Variants in BRINP1 observed in about 807,000 individuals in gnomAD.
BRINP1 encodes the protein BMP/retinoic acid-inducible neural-specific protein 1.
In BRINP1, 17 loss-of-function variants were observed where a neutral mutation model predicts 72.9. The ratio of observed to expected loss-of-function variants is 0.23; its 90% CI spans 0.16 to 0.35. The LOEUF is 0.35. Ranked by LOEUF, BRINP1 falls within the 10% of genes least tolerant of loss-of-function variation. BRINP1 has a pLI of 1.00. For synonymous variants in BRINP1, 418 were observed against 378.5 expected, an observed-to-expected ratio of 1.10 and a Z score of -1.21; for missense variants, 850 against 1,001.6, an observed-to-expected ratio of 0.85 and a Z score of 2.04.
At chr9:119,205,852 G>A (rs1829848408) in intron 7 of BRINP1, among the ~76,000 whole-genome samples, 1 of 148,844 alleles carries the variant, frequency 6.7e-6, no homozygotes, top group South Asian at 2.1e-4. Flanking sequence ...TCTTATCATG[G>A]TCAAACATGG....
chr9:119,237,262 G>T (rs750043425), intron 5 of BRINP1, among the ~76,000 whole-genome samples: 4 of 151,860 alleles, frequency 2.6e-5, no homozygotes, highest in Non-Finnish European at 4.4e-5. Flanking sequence ...AGTTAGAAAA[G>T]AAATTAGATG....
chr9:119,259,087 A>G (rs1225327571), intron 2 of BRINP1, among the ~76,000 whole-genome samples: 4 of 152,206 alleles, frequency 2.6e-5, no homozygotes, highest in Non-Finnish European at 1.5e-5. Context: ...GATATCAAGG[A>G]AAGCAAATGC....
chr9:119,175,056 A>G (rs1000592476), intron 7 of BRINP1, among the ~76,000 whole-genome samples: 2 of 148,244 alleles, frequency 1.3e-5, no homozygotes, highest in African/African-American at 5.1e-5. Flanking sequence ...AGCATGGCAC[A>G]TGTATACATA....
rs1564258064 is a variant in BRINP1 at position 119,361,599 on chromosome 9, ATGC to A, written c.-51+7454_-51+7456del. Among the ~76,000 whole-genome samples, 3 of 150,688 alleles carry A rather than the reference ATGC, an allele frequency of 2.0e-5. No individual in the cohort carries two copies. In the South Asian group the frequency reaches 6.3e-4, roughly 32 times the overall value. On this transcript the variant is annotated intron_variant, in intron 1 of 7. Coordinates refer to ENST00000265922, the MANE Select transcript of BRINP1 (RefSeq NM_014618.3). Reference sequence around the variant, plus strand: ...TCTCTGCTTTTACAAGAACTTTGTCATGCAACATATTCTTCTTCTTCTTTTTTT... The same window carrying A: ...TCTCTGCTTTTACAAGAACTTTGTCAAACATATTCTTCTTCTTCTTTTTTT...
chr9:119,315,260 A>T (rs1396501945), intron 1 of BRINP1, among the ~76,000 whole-genome samples: 1 of 151,992 alleles, frequency 6.6e-6, no homozygotes, highest in African/African-American at 2.4e-5. Flanking sequence ...TGTTAACACC[A>T]ATTTTCCAAC....
At chr9:119,176,350 C>G (rs1482833062) in intron 7 of BRINP1, among the ~76,000 whole-genome samples, 2 of 152,074 alleles carry the variant, frequency 1.3e-5, no homozygotes, top group Admixed American at 1.3e-4. Context: ...AAACTAGAAA[C>G]AGAAGCTAAT....
chr9:119,210,950 T>C (rs549056204), intron 6 of BRINP1, among the ~76,000 whole-genome samples: 124 of 152,242 alleles, frequency 8.1e-4, no homozygotes, highest in Middle Eastern at 6.8e-3. Context: ...GACACAAGAC[T>C]CTACACTGAT....
intron 6 of BRINP1, among the ~76,000 whole-genome samples, chr9:119,211,381 G>T (rs1829925570): frequency 6.6e-6 from 1 of 152,140 alleles, no homozygotes; most frequent in Non-Finnish European, 1.5e-5. Flanking sequence ...AGTTTTAGTA[G>T]AGACAGGGTT....
At chr9:119,365,085 A>AC (rs776037362) in intron 1 of BRINP1, among the ~76,000 whole-genome samples, 24 of 152,212 alleles carry the variant, frequency 1.6e-4, no homozygotes, top group Non-Finnish European at 3.2e-4. Flanking sequence ...ATAGACCTAT[A>AC]CCCCCAGCGC....
In BRINP1 at chr9:119,167,561, C is replaced by A. The variant is rs1829331363; in HGVS notation, c.1809G>T (p.Leu603Phe). Reference sequence around the variant, plus strand: ...AAAATGTTTTCCACCGATTGCCCAGCAAAAGAGTCCAGTTGTAGCACTGGC... The same window carrying A: ...AAAATGTTTTCCACCGATTGCCCAGAAAAAGAGTCCAGTTGTAGCACTGGC... ...QNSQCYNWTLLLGNRWKTFFE... is the reference protein window; with the variant it reads ...QNSQCYNWTLFLGNRWKTFFE... The change falls in exon 8 of 8, where the codon TTG (leucine) becomes TTT (phenylalanine). Residue 603 changes from leucine to phenylalanine, a missense_variant. Physicochemically the swap from Leu to Phe is conservative, Grantham distance 22. Coordinates refer to ENST00000265922, the MANE Select transcript of BRINP1 (RefSeq NM_014618.3). This position sits in a 1 kb window ranked among gnomAD's most constrained non-coding sequence, Gnocchi z 4.3. The A allele has an allele frequency of 1.2e-6, 2 of 1,614,154 alleles. No individual in the cohort carries two copies. Among genetic ancestry groups the A allele is most frequent in the Non-Finnish European group, 1.7e-6 (2 of 1,180,024 alleles).
intron 3 of BRINP1, 22 bp downstream of exon 3, chr9:119,248,938 G>C: frequency 6.2e-7 from 1 of 1,602,380 alleles, no homozygotes; most frequent in Non-Finnish European, 8.5e-7. Flanking sequence ...AGAAGGCTCT[G>C]GCCCAGTGGC....
At chr9:119,301,122 C>A (rs912127180) in intron 2 of BRINP1, among the ~76,000 whole-genome samples, 1 of 152,156 alleles carries the variant, frequency 6.6e-6, no homozygotes, top group African/African-American at 2.4e-5. Flanking sequence ...TTTGAATGTT[C>A]CAGGTAGTTT....
chr9:119,225,141 A>G (rs1209353285), intron 5 of BRINP1, among the ~76,000 whole-genome samples: 1 of 152,050 alleles, frequency 6.6e-6, no homozygotes, highest in Non-Finnish European at 1.5e-5. Flanking sequence ...CTAAATGTCC[A>G]CTGACCAATA....
intron 2 of BRINP1, 40 bp from the exon 3 acceptor site, chr9:119,249,190 C>T (rs1830352919): frequency 2.5e-6 from 4 of 1,581,922 alleles, no homozygotes; most frequent in Non-Finnish European, 2.6e-6. Context: ...AACTTACCAC[C>T]ATTACCCTTA....
At chr9:119,321,577 C>T (rs1005436906) in intron 1 of BRINP1, among the ~76,000 whole-genome samples, 5 of 152,140 alleles carry the variant, frequency 3.3e-5, no homozygotes, top group Admixed American at 6.5e-5. Context: ...ACCGCATCAG[C>T]GATCCTCCTG....
chr9:119,280,899 C>A (rs1378203245), intron 2 of BRINP1, among the ~76,000 whole-genome samples: 1 of 152,178 alleles, frequency 6.6e-6, no homozygotes. Flanking sequence ...GAGCAGGAAT[C>A]ATTCAACCAT....
At chr9:119,232,539 G>GT (rs1009796750) in intron 5 of BRINP1, among the ~76,000 whole-genome samples, 1 of 152,014 alleles carries the variant, frequency 6.6e-6, no homozygotes, top group African/African-American at 2.4e-5. Context: ...TTATAAAGAA[G>GT]TTTTTTTATT....
intron 5 of BRINP1, among the ~76,000 whole-genome samples, chr9:119,231,335 C>A (rs1394253606): frequency 6.6e-6 from 1 of 152,026 alleles, no homozygotes; most frequent in Non-Finnish European, 1.5e-5. Flanking sequence ...ATGCACAAGA[C>A]CCTATTCACT....
chr9:119,261,895 T>A (rs1830500440), intron 2 of BRINP1, among the ~76,000 whole-genome samples: 1 of 151,316 alleles, frequency 6.6e-6, no homozygotes, highest in Non-Finnish European at 1.5e-5. Flanking sequence ...TCTCTTCCTC[T>A]CTCTCTCTCT....
Sources: allele counts gnomAD v4.1 joint callset (sites outside exome capture counted in the v4.1 genomes callset), GRCh38; gene constraint gnomAD v4.1.1; non-coding constraint Gnocchi (gnomAD v3.1); transcripts MANE v1.5; gene names NCBI Gene and HGNC (gene_info 2026-07-23, HGNC 2026-07-21).